The following GARNL3 variants were observed in gnomAD, a reference collection of about 807,000 sequenced individuals.
The protein encoded by GARNL3 is GTPase activating Rap/RanGAP domain like 3, also known as GTPase-activating Rap/Ran-GAP domain-like protein 3.
A neutral mutation model predicts 125.0 loss-of-function variants in GARNL3; 63 were observed. The observed-to-expected ratio is 0.50, with a 90% CI of 0.41 to 0.62. The LOEUF is 0.62. Ranked by LOEUF, GARNL3 falls within the 20% of genes least tolerant of loss-of-function variation. The pLI is 0.00. For synonymous variants in GARNL3, 439 were observed against 457.5 expected, an observed-to-expected ratio of 0.96 and a Z score of 0.52; for missense variants, 994 against 1,244.0, an observed-to-expected ratio of 0.80 and a Z score of 3.02.
At chr9:127,235,570 A>G (rs1459304287) in intron 1 of GARNL3, among the ~76,000 whole-genome samples, 2 of 152,166 alleles carry the variant, frequency 1.3e-5, no homozygotes, top group Non-Finnish European at 2.9e-5. Flanking sequence ...TGAATGTGAA[A>G]TCATTGTGTC....
chr9:127,283,531 G>A (rs886629733), intron 1 of GARNL3, among the ~76,000 whole-genome samples: 3 of 152,138 alleles, frequency 2.0e-5, no homozygotes, highest in Admixed American at 6.5e-5. Flanking sequence ...GTAGCCAAGC[G>A]TGGTGGCATG....
At chr9:127,368,275 G>C (rs1831399580) in intron 22 of GARNL3, among the ~76,000 whole-genome samples, 1 of 151,606 alleles carries the variant, frequency 6.6e-6, no homozygotes, top group Non-Finnish European at 1.5e-5. Flanking sequence ...GGACAGCAGT[G>C]GGACCAGAAC....
intron 2 of GARNL3, among the ~76,000 whole-genome samples, chr9:127,258,376 A>G (rs2063527536): frequency 6.6e-6 from 1 of 152,188 alleles, no homozygotes; most frequent in Non-Finnish European, 1.5e-5. Flanking sequence ...GCAGTGGCTC[A>G]CGCCTGTAAT....
intron 2 of GARNL3, among the ~76,000 whole-genome samples, chr9:127,255,303 G>A (rs2063478686): frequency 1.3e-5 from 2 of 152,238 alleles, no homozygotes; most frequent in South Asian, 2.1e-4. Flanking sequence ...AGCAGCTAAA[G>A]TGGGTGGGTT....
intron 19 of GARNL3, among the ~76,000 whole-genome samples, chr9:127,354,681 G>A (rs555212441): frequency 2.6e-5 from 4 of 152,294 alleles, no homozygotes; most frequent in African/African-American, 9.6e-5. Context: ...GAAATGTTTA[G>A]ACTGGTTCCC....
chr9:127,249,541 G>A (rs549343405), intron 2 of GARNL3, among the ~76,000 whole-genome samples: 33 of 152,196 alleles, frequency 2.2e-4, no homozygotes, highest in Admixed American at 1.1e-3. Flanking sequence ...AGCCGTGATC[G>A]TGTCACTGTA....
chr9:127,331,450 G>A (rs1299801631), intron 7 of GARNL3, among the ~76,000 whole-genome samples: 2 of 151,490 alleles, frequency 1.3e-5, no homozygotes, highest in Admixed American at 6.6e-5. Context: ...CTGAGATCAC[G>A]CCACTGCACT....
chr9:127,264,923 A>G lies in GARNL3; in HGVS notation c.46A>G (p.Ile16Val), dbSNP rs377479104. The change falls in exon 1 of 28, where the codon ATA becomes GTA. Residue 16 changes from isoleucine to valine, a missense_variant. Around this residue, in one of 5 missense-constraint regions of GARNL3, gnomAD observed 37 missense variants for 34.2 expected, o/e 1.08. Coordinates refer to ENST00000373387, the MANE Select transcript of GARNL3 (RefSeq NM_032293.5). Reference sequence around the variant, plus strand: ...AAGGTTTGTGGCCAGATCGCTATGTATAATACTGATGAAGCATTTTTGTTC... The same window carrying G: ...AAGGTTTGTGGCCAGATCGCTATGTGTAATACTGATGAAGCATTTTTGTTC... ...CRRFVARSLCIILMKHFCSSS... is the reference protein window; with the variant it reads ...CRRFVARSLCVILMKHFCSSS... 1.9e-6 allele frequency: 3 copies of G among 1,613,498 alleles called. No individual in the cohort carries two copies. Among genetic ancestry groups the G allele is most frequent in the Non-Finnish European group, 1.7e-6 (2 of 1,179,706 alleles).
intron 22 of GARNL3, among the ~76,000 whole-genome samples, chr9:127,377,399 T>C (rs1185442790): frequency 6.6e-6 from 1 of 152,146 alleles, no homozygotes; most frequent in African/African-American, 2.4e-5. Context: ...AAAAGTGAAA[T>C]ATAAAAAGTC....
chr9:127,352,277 G>A (rs1340233555), intron 17 of GARNL3, among the ~76,000 whole-genome samples: 3 of 152,128 alleles, frequency 2.0e-5, no homozygotes, highest in Non-Finnish European at 4.4e-5. Flanking sequence ...TTTGTTCAAT[G>A]GGAGTATTAT....
intron 27 of GARNL3, among the ~76,000 whole-genome samples, chr9:127,391,064 C>G (rs1832799708): frequency 6.6e-6 from 1 of 152,134 alleles, no homozygotes; most frequent in African/African-American, 2.4e-5. Context: ...GCGGGCAGAT[C>G]ACCCAAGGTC....
intron 5 of GARNL3, among the ~76,000 whole-genome samples, chr9:127,319,574 T>C (rs1482841669): frequency 6.6e-6 from 1 of 152,212 alleles, no homozygotes; most frequent in Non-Finnish European, 1.5e-5. Flanking sequence ...TGCAGACCTT[T>C]TCCTGTCTGC....
chr9:127,348,798 G>C lies in GARNL3; in HGVS notation c.1432-126G>C, dbSNP rs149596419. 4.7e-4 allele frequency: 287 copies of C among 606,794 alleles called. 6 individuals are homozygous for C. The East Asian group carries it at 5.4e-3, about 11-fold the overall frequency. 37.6% of individuals were successfully genotyped at this position (606,794 alleles called of 1,614,324 possible). A position where few individuals can be genotyped will look rare whatever the true frequency, so the allele number is the denominator to read the frequency against. ...TTGAGTCCAGACCCCAGGGTTTGGAGTGACTCCGCTCCCACGGGGGTATCT... is the reference window on the plus strand; with the variant it reads ...TTGAGTCCAGACCCCAGGGTTTGGACTGACTCCGCTCCCACGGGGGTATCT... On this transcript the variant is annotated intron_variant, in intron 16 of 27. Transcript: ENST00000373387.
chr9:127,384,001 C>T lies in GARNL3; in HGVS notation c.2269+456C>T, dbSNP rs538830894. ...CACTAAAATGTCAGGACATGAGCGG[C>T]GATGCTTTGTGTTTGTGATTCAAGA... On this transcript the variant is annotated intron_variant, in intron 23 of 27. Transcript: ENST00000373387. The surrounding 1 kb of genome is among the most constrained non-coding windows in gnomAD (Gnocchi z 4.0). Among the ~76,000 whole-genome samples, 10 of 152,298 alleles carry T rather than the reference C, an allele frequency of 6.6e-5. No homozygotes were observed. In the East Asian group the frequency reaches 1.5e-3, roughly 23 times the overall value.
At position 127,336,192 on chromosome 9, in the gene GARNL3, C is replaced by T. The variant is rs746683542; in HGVS notation, c.938C>T (p.Ser313Phe). 6.2e-7 allele frequency: 1 copy of T among 1,613,934 alleles called. No homozygotes were observed. ...VTIVFQEGEE[S>F]SPAFKPSMIR... ...ATTGTGTTCCAAGAAGGAGAGGAATCTTCTCCTGCCTTTAAGCCTTCCATG... is the reference window on the plus strand; with the variant it reads ...ATTGTGTTCCAAGAAGGAGAGGAATTTTCTCCTGCCTTTAAGCCTTCCATG... The change falls in exon 11 of 28, where the codon TCT becomes TTT. Residue 313 changes from serine to phenylalanine, a missense_variant. By Grantham distance (155) the Ser-to-Phe change is radical. Transcript: ENST00000373387.
chr9:127,300,958 A>G, intron 2 of GARNL3: 1 of 197,040 alleles, frequency 5.1e-6, no homozygotes, highest in Non-Finnish European at 1.1e-5. Flanking sequence ...TTGGCCCCAT[A>G]GGATTCAGAA....
chr9:127,269,965 T>A (rs2063786436), intron 1 of GARNL3, among the ~76,000 whole-genome samples: 1 of 152,216 alleles, frequency 6.6e-6, no homozygotes, highest in Non-Finnish European at 1.5e-5. Flanking sequence ...TATTATTTAT[T>A]TTGTTGTCTA....
rs1832481291 is a variant in GARNL3, at chr9:127,385,207, A to G, written c.2388+62A>G. 4.0e-6 allele frequency: 4 copies of G among 1,001,834 alleles called. No individual in the cohort carries two copies. Among genetic ancestry groups the G allele is most frequent in the South Asian group, 3.2e-5 (2 of 63,464 alleles). 62.1% of individuals were successfully genotyped at this position (1,001,834 alleles called of 1,614,324 possible). ...GGGGACCCCGGCACTGTGGGATTTC[A>G]GGTGAGCACAGAAGCCGCCTCTTGT... On this transcript the variant is annotated intron_variant, in intron 24 of 27. Coordinates refer to ENST00000373387, the MANE Select transcript of GARNL3 (RefSeq NM_032293.5). The surrounding 1 kb of genome is among the most constrained non-coding windows in gnomAD (Gnocchi z 4.1).
chr9:127,239,822 G>A (rs999309796), intron 1 of GARNL3, among the ~76,000 whole-genome samples: 5 of 152,182 alleles, frequency 3.3e-5, no homozygotes, highest in Non-Finnish European at 5.9e-5. Flanking sequence ...CAGAGAATTT[G>A]ATGAAAGTGC....
Sources: allele counts gnomAD v4.1 joint callset (sites outside exome capture counted in the v4.1 genomes callset), GRCh38; gene constraint gnomAD v4.1.1; regional missense constraint gnomAD v4.1.1; non-coding constraint Gnocchi (gnomAD v3.1); transcripts MANE v1.5; gene names NCBI Gene and HGNC (gene_info 2026-07-23, HGNC 2026-07-21).